ZNF577: variants seen among roughly 807,000 people sequenced by gnomAD.
ZNF577 encodes the protein zinc finger protein 577.
ZNF577 carries 14 observed loss-of-function variants against 13.9 expected under a neutral mutation model. The observed-to-expected ratio is 1.00, with a 90% CI of 0.66 to 1.57. The LOEUF is 1.57. Among genes scored for constraint, ZNF577 ranks in the 40% most tolerant of loss-of-function variants. ZNF577 has a pLI of 0.00. For missense variants in ZNF577, 555 were observed against 579.2 expected, an observed-to-expected ratio of 0.96 and a Z score of 0.43; for synonymous variants, 203 against 202.9, an observed-to-expected ratio of 1.00 and a Z score of 0.00.
intron 5 of ZNF577, among the ~76,000 whole-genome samples, chr19:51,856,710 A>C (rs938539071): frequency 6.6e-6 from 1 of 152,150 alleles, no homozygotes; most frequent in African/African-American, 2.4e-5. Flanking sequence ...TCACCATTTA[A>C]GACGAGAAAC....
rs896470612 is a variant in ZNF577, at chr19:51,870,194, T to C, written c.*2338A>G. ...TTTATAGCAGCTATTTCTAACATCC[T>C]TTTCTGCTATAAGTGTGCCACTTCT... On this transcript the variant is annotated 3_prime_UTR_variant, in exon 6 of 6. Transcript: ENST00000638348. Among the ~76,000 whole-genome samples the C allele has an allele frequency of 5.9e-5, 9 of 152,324 alleles. No individual in the cohort carries two copies. The highest frequency in any genetic ancestry group is 2.2e-4 in the African/African-American group (9 of 41,578).
Position 51,872,272 on chromosome 19 carries a change from C to G in ZNF577, c.*260G>C. ...GAGGCACAATTTAGCGCTAAAAGCA[C>G]CATCACAATCTTTCATAAATATTCC... On this transcript the variant is annotated 3_prime_UTR_variant, in exon 6 of 6. Coordinates refer to ENST00000638348, the MANE Select transcript of ZNF577 (RefSeq NM_001370449.1). 2 of 322,020 alleles carry G rather than the reference C, an allele frequency of 6.2e-6. No individual in the cohort carries two copies. The highest frequency in any genetic ancestry group is 1.1e-5 in the Non-Finnish European group (2 of 176,358). The allele number at this position is 322,020 out of a possible 1,614,324, so 19.9% of individuals were successfully genotyped here.
intron 5 of ZNF577, among the ~76,000 whole-genome samples, chr19:51,846,228 A>C (rs2084350235): frequency 6.6e-6 from 1 of 152,358 alleles, no homozygotes; most frequent in Non-Finnish European, 1.5e-5. Flanking sequence ...TTTTTATTTG[A>C]GACCAGCCTG....
chr19:51,878,347 A>C, intron 4 of ZNF577, 42 bp downstream of exon 4: 2 of 1,606,150 alleles, frequency 1.2e-6, no homozygotes, highest in Non-Finnish European at 1.7e-6. Context: ...AGTGGTCACC[A>C]AATAAGAAAG....
rs1435025267 is a variant in ZNF577 at position 51,872,749 on chromosome 19, G to A, written c.1241C>T (p.Pro414Leu). 1 of 1,614,174 alleles carries A rather than the reference G, an allele frequency of 6.2e-7. No homozygotes were observed. Among genetic ancestry groups the A allele is most frequent in the Non-Finnish European group, 8.5e-7 (1 of 1,180,034 alleles). ...GGTTCCTGAGGAAGGCATTTCTATA[G>A]GTACTGTGTTCACAGTCTTTTGCTC... ...IQEQKTVNTV[P>L]IEMPSSGTPP... The change falls in exon 6 of 6, where the codon CCT becomes CTT. Residue 414 changes from proline (P) to leucine (L), a missense_variant. Coordinates refer to ENST00000638348, the MANE Select transcript of ZNF577 (RefSeq NM_001370449.1).
At chr19:51,847,579 C>T (rs775468679) in intron 5 of ZNF577, among the ~76,000 whole-genome samples, 2 of 152,292 alleles carry the variant, frequency 1.3e-5, no homozygotes, top group East Asian at 1.9e-4. Context: ...GCAGGGAGCA[C>T]GATGAGGAGA....
chr19:51,807,616 T>C (rs1490940482), intron 10 of ZNF577, among the ~76,000 whole-genome samples: 1 of 152,192 alleles, frequency 6.6e-6, no homozygotes, highest in Non-Finnish European at 1.5e-5. Flanking sequence ...AGCATGACCT[T>C]TGGAAGAGCC....
intron 3 of ZNF577, among the ~76,000 whole-genome samples, chr19:51,879,061 T>C (rs2084815934): frequency 6.6e-6 from 1 of 150,994 alleles, no homozygotes; most frequent in African/African-American, 2.4e-5. Context: ...ATTAAGACTA[T>C]CCTGGCTAAC....
intron 9 of ZNF577, among the ~76,000 whole-genome samples, chr19:51,813,141 C>A (rs759984937): frequency 4.2e-4 from 63 of 151,670 alleles, no homozygotes; most frequent in Non-Finnish European, 7.1e-4. Flanking sequence ...CACACACACA[C>A]ACACACACAC....
chr19:51,887,437 G>A lies in ZNF577; in HGVS notation c.-835C>T, dbSNP rs2084965923. ...CTGGAGGAGTATTTAAAATGATGGG[G>A]ATGTTATTACTTGGGTCGCAATGAA... On this transcript the variant is annotated 5_prime_UTR_variant, in exon 1 of 6. Transcript: ENST00000638348. 1 of 152,138 alleles carries A rather than the reference G, an allele frequency of 6.6e-6. No homozygotes were observed. The highest frequency in any genetic ancestry group is 6.6e-5 in the Admixed American group (1 of 15,262). The allele number at this position is 152,138 out of a possible 1,614,324, so 9.4% of individuals were successfully genotyped here.
chr19:51,874,755 A>C (rs143744798), intron 5 of ZNF577, among the ~76,000 whole-genome samples: 28 of 152,328 alleles, frequency 1.8e-4, no homozygotes, highest in African/African-American at 5.5e-4. Flanking sequence ...ATAGAAGGGA[A>C]TATGCTGGAG....
chr19:51,863,601 AATC>A (rs2084527915), downstream of ZNF577, among the ~76,000 whole-genome samples: 2 of 152,326 alleles, frequency 1.3e-5, no homozygotes, highest in South Asian at 2.1e-4. Context: ...AAATTGGTAA[AATC>A]ATATTTTGGG....
chr19:51,815,432 C>T (rs140068419), intron 9 of ZNF577, among the ~76,000 whole-genome samples: 1,979 of 151,864 alleles, frequency 0.013, 48 homozygotes, highest in African/African-American at 0.046. Context: ...TGGTGATGTG[C>T]GCCTGTAGCC....
At chr19:51,843,127 G>A (rs1232884849) in intron 7 of ZNF577, 1 of 152,150 alleles carries the variant, frequency 6.6e-6, no homozygotes, top group Non-Finnish European at 1.5e-5. Context: ...CACAAATTGT[G>A]GCAATAGAAA....
At chr19:51,857,380 AAG>A (rs1223596193) in intron 5 of ZNF577, among the ~76,000 whole-genome samples, 3 of 112,960 alleles carry the variant, frequency 2.7e-5, no homozygotes, top group African/African-American at 4.2e-5. Flanking sequence ...GAAAGAAAGA[AAG>A]AAAGAAAGAA....
At chr19:51,837,384 T>C (rs1461172651) in intron 9 of ZNF577, among the ~76,000 whole-genome samples, 2 of 152,202 alleles carry the variant, frequency 1.3e-5, no homozygotes, top group Non-Finnish European at 2.9e-5. Context: ...AGGTGAGCTC[T>C]GATTGGTTGG....
At chr19:51,825,708 A>G (rs1463811859) in intron 9 of ZNF577, 2 of 167,104 alleles carry the variant, frequency 1.2e-5, no homozygotes, top group African/African-American at 4.8e-5. Flanking sequence ...GAGTGGCTCA[A>G]GTATTTCCTC....
intron 9 of ZNF577, among the ~76,000 whole-genome samples, chr19:51,837,645 C>T (rs929027662): frequency 2.6e-5 from 4 of 152,000 alleles, no homozygotes; most frequent in East Asian, 3.9e-4. Flanking sequence ...ATATGTGTGA[C>T]GTTCTAGATT....
chr19:51,833,997 C>A (rs1300740660), intron 9 of ZNF577, among the ~76,000 whole-genome samples: 2 of 152,142 alleles, frequency 1.3e-5, no homozygotes, highest in Non-Finnish European at 2.9e-5. Flanking sequence ...AAACATTTAT[C>A]ATTTCTCTAT....
Sources: gnomAD v4.1 joint callset for allele counts (sites outside exome capture counted in the v4.1 genomes callset) on GRCh38, gnomAD v4.1.1 for gene constraint, MANE v1.5 for transcripts, NCBI Gene and HGNC (gene_info 2026-07-23, HGNC 2026-07-21) for gene names.